The following PEX14 variants were observed in gnomAD, a reference collection of about 807,000 sequenced individuals.
PEX14 encodes the protein peroxisomal membrane protein PEX14.
Under a neutral mutation model 49.5 loss-of-function variants are expected in PEX14, and 15 were observed. The ratio of observed to expected loss-of-function variants is 0.30; its 90% confidence interval spans 0.20 to 0.47. The LOEUF (loss-of-function observed/expected upper bound fraction) is 0.47, where lower values mean the gene tolerates loss of function less well. PEX14 is among the 20% of genes least tolerant of loss of function. The pLI is 1.00. For synonymous variants in PEX14, 210 were observed against 212.7 expected, an observed-to-expected ratio of 0.99 and a Z score of 0.11; for missense variants, 398 against 494.8, an observed-to-expected ratio of 0.80 and a Z score of 1.86.
At chr1:10,581,306 T>A (rs1484944676) in intron 3 of PEX14, among the ~76,000 whole-genome samples, 1 of 88,720 alleles carries the variant, frequency 1.1e-5, no homozygotes, top group African/African-American at 8.2e-5. Context: ...TTTGTTATCC[T>A]TTTTTTTTTT....
In PEX14 at chr1:10,630,070, G is replaced by C; in HGVS notation, c.*83G>C. ...ATACCCTGCCTCCCTCTCTGGCCCT[G>C]GGAGGGCAGCTTGGAGCCCAGGTAG... is the stretch of plus-strand genomic sequence containing the variant. On this transcript the variant is annotated 3_prime_UTR_variant, in exon 9 of 9. Transcript: ENST00000356607. This position sits in a 1 kb window ranked among gnomAD's most constrained non-coding sequence, Gnocchi z 4.1. The C allele has an allele frequency of 6.3e-7, 1 of 1,580,958 alleles. No individual in the cohort carries two copies. The highest frequency in any genetic ancestry group is 2.3e-5 in the East Asian group (1 of 44,218).
intron 3 of PEX14, among the ~76,000 whole-genome samples, chr1:10,576,881 C>G (rs569952202): frequency 1.5e-4 from 23 of 151,936 alleles, no homozygotes; most frequent in Admixed American, 5.9e-4. Context: ...CTCTGCCTCC[C>G]AAGTAGCTGG....
At chr1:10,541,398 G>C (rs900201167) in intron 3 of PEX14, among the ~76,000 whole-genome samples, 1 of 152,260 alleles carries the variant, frequency 6.6e-6, no homozygotes, top group African/African-American at 2.4e-5. Context: ...GTGAGTCCCG[G>C]AGAGGCCCGC....
chr1:10,559,456 C>T (rs527262472), intron 3 of PEX14, among the ~76,000 whole-genome samples: 172 of 152,198 alleles, frequency 1.1e-3, no homozygotes, highest in African/African-American at 3.8e-3. Flanking sequence ...TTTTGTCAAG[C>T]GGAAAAGCTG....
At chr1:10,550,620 T>C (rs141171689) in intron 3 of PEX14, among the ~76,000 whole-genome samples, 1 of 152,364 alleles carries the variant, frequency 6.6e-6, no homozygotes, top group East Asian at 1.9e-4. Flanking sequence ...GTATTTTGCT[T>C]TACAGCTTAA....
At chr1:10,545,946 G>A (rs2480776) in intron 3 of PEX14, among the ~76,000 whole-genome samples, 147,646 of 152,220 alleles carry the variant, frequency 0.97, 71,759 homozygotes, top group East Asian at 1. Context: ...TTGAGAGGCT[G>A]AGGCAGGAGG....
chr1:10,479,999 A>G (rs1032232839), intron 1 of PEX14, among the ~76,000 whole-genome samples: 4 of 152,028 alleles, frequency 2.6e-5, no homozygotes, highest in Non-Finnish European at 4.4e-5. Context: ...ACAGAGTGCA[A>G]CCCTATCACT....
At chr1:10,588,435 G>A (rs1195686361) in intron 3 of PEX14, among the ~76,000 whole-genome samples, 4 of 151,970 alleles carry the variant, frequency 2.6e-5, no homozygotes, top group Non-Finnish European at 4.4e-5. Context: ...GATTTTTCAC[G>A]ATAAAGTGGA....
intron 3 of PEX14, among the ~76,000 whole-genome samples, chr1:10,569,631 G>A (rs1009231482): frequency 6.6e-6 from 1 of 152,160 alleles, no homozygotes; most frequent in Non-Finnish European, 1.5e-5. Flanking sequence ...TCCTGAGAAG[G>A]TGTGCATGGG....
intron 1 of PEX14, among the ~76,000 whole-genome samples, chr1:10,480,685 G>T (rs1641267860): frequency 6.6e-6 from 1 of 151,868 alleles, no homozygotes; most frequent in African/African-American, 2.4e-5. Flanking sequence ...TGTGAGCCTG[G>T]CACCTGGCCT....
At chr1:10,592,666 G>A (rs776839101) in intron 3 of PEX14, among the ~76,000 whole-genome samples, 2 of 152,230 alleles carry the variant, frequency 1.3e-5, no homozygotes, top group Non-Finnish European at 2.9e-5. Context: ...CTCCAAGGGA[G>A]TACGTCTGCC....
intron 3 of PEX14, among the ~76,000 whole-genome samples, chr1:10,574,748 A>G (rs953491476): frequency 2.0e-5 from 3 of 152,196 alleles, no homozygotes; most frequent in African/African-American, 4.8e-5. Context: ...AGACATAACT[A>G]AAATAAAACA....
chr1:10,524,832 C>A (rs1638421104), intron 2 of PEX14, among the ~76,000 whole-genome samples: 1 of 152,168 alleles, frequency 6.6e-6, no homozygotes, highest in African/African-American at 2.4e-5. Context: ...AGCTGGAGCG[C>A]CACTACGCCA....
In PEX14 at chr1:10,597,265, A is replaced by G. The variant is rs1404835729; in HGVS notation, c.170-1973A>G. ...GGTTTATAAAATTCCGTAGTGTACC[A>G]GTGACCATCAGCCTGTGCTGACATC... On this transcript the variant is annotated intron_variant, in intron 3 of 8. Transcript: ENST00000356607. This position sits in a 1 kb window ranked among gnomAD's most constrained non-coding sequence, Gnocchi z 5.7. Among the ~76,000 whole-genome samples the G allele has an allele frequency of 6.6e-6, 1 of 152,270 alleles. No individual in the cohort carries two copies. The highest frequency in any genetic ancestry group is 2.4e-5 in the African/African-American group (1 of 41,478).
chr1:10,574,579 G>C (rs1640068665), intron 3 of PEX14, among the ~76,000 whole-genome samples: 1 of 152,106 alleles, frequency 6.6e-6, no homozygotes, highest in Non-Finnish European at 1.5e-5. Context: ...ATCACATTCT[G>C]GGGGAAGAAA....
At chr1:10,577,524 C>A (rs1442430227) in intron 3 of PEX14, among the ~76,000 whole-genome samples, 1 of 44,362 alleles carries the variant, frequency 2.3e-5, no homozygotes, top group Admixed American at 3.6e-4. Flanking sequence ...ATTTTGGACA[C>A]TATACATATA....
At chr1:10,530,089 C>T (rs1230283178) in intron 2 of PEX14, among the ~76,000 whole-genome samples, 1 of 152,138 alleles carries the variant, frequency 6.6e-6, no homozygotes, top group African/African-American at 2.4e-5. Context: ...CTTCTCCTTT[C>T]CTCCCTTAAT....
At chr1:10,540,274 GA>G (rs577690958) in intron 3 of PEX14, among the ~76,000 whole-genome samples, 1 of 152,178 alleles carries the variant, frequency 6.6e-6, no homozygotes, top group Non-Finnish European at 1.5e-5. Flanking sequence ...TTTCAAGGGG[GA>G]GTAAATTCTT....
rs1401856454 is a variant in PEX14 at position 10,628,080 on chromosome 1, C to T, written c.677+717C>T. 2.0e-5 allele frequency among the ~76,000 whole-genome samples: 3 copies of T among 152,130 alleles called. No homozygotes were observed. The highest frequency in any genetic ancestry group is 4.4e-5 in the Non-Finnish European group (3 of 68,018). On this transcript the variant is annotated intron_variant, in intron 8 of 8. Transcript: ENST00000356607. The surrounding 1 kb of genome is among the most constrained non-coding windows in gnomAD (Gnocchi z 4.5). Reference sequence around the variant, plus strand: ...CCTCCCGAGTAGCTGGGATTACAGGCGCCCGCCACCACTCCCGGCTAATTT... The same window carrying T: ...CCTCCCGAGTAGCTGGGATTACAGGTGCCCGCCACCACTCCCGGCTAATTT...
Sources: gnomAD v4.1 joint callset for allele counts (sites outside exome capture counted in the v4.1 genomes callset) on GRCh38, gnomAD v4.1.1 for gene constraint, Gnocchi (gnomAD v3.1) non-coding constraint, MANE v1.5 for transcripts, NCBI Gene and HGNC (gene_info 2026-07-23, HGNC 2026-07-21) for gene names.